TRAPPC8: variants seen among roughly 807,000 people sequenced by gnomAD.
TRAPPC8 encodes general sporulation gene 1 homolog.
In TRAPPC8, 54 loss-of-function variants were observed where a neutral mutation model predicts 174.3. That is an observed-to-expected ratio of 0.31 (90% CI 0.25 to 0.39). The LOEUF is 0.39. Among genes scored for constraint, TRAPPC8 ranks in the 10% least tolerant of loss-of-function variants. The pLI is 1.00. For synonymous variants in TRAPPC8, 630 were observed against 579.9 expected, an observed-to-expected ratio of 1.09 and a Z score of -1.24; for missense variants, 1,531 against 1,699.1, an observed-to-expected ratio of 0.90 and a Z score of 1.74.
At chr18:31,852,423 C>A in intron 24 of TRAPPC8, 23 bp downstream of exon 24, 1 of 1,612,386 alleles carries the variant, frequency 6.2e-7, no homozygotes. Flanking sequence ...TAACATCAAA[C>A]ACTACTATGC....
chr18:31,857,863 T>C lies in TRAPPC8; in HGVS notation c.2865A>G (p.Pro955=), dbSNP rs1256388527. The change falls in exon 20 of 29, where the codon CCA becomes CCG. Residue 955 remains proline (P), a synonymous_variant. Transcript: ENST00000283351. ...TATTACCACCGAAAGTAAAGAACTC[T>C]GGACGTTTAGAAACAACCTTCAATC... ...LTGLKVVSKR[P]EFFTFGGNTA... 1.2e-6 allele frequency: 2 copies of C among 1,614,214 alleles called. No individual in the cohort carries two copies. Among genetic ancestry groups the C allele is most frequent in the Admixed American group, 1.7e-5 (1 of 60,016 alleles).
chr18:31,867,346 T>C (rs1297552014), intron 17 of TRAPPC8, 56 bp downstream of exon 17: 8 of 1,192,584 alleles, frequency 6.7e-6, no homozygotes, highest in Non-Finnish European at 8.5e-6. Context: ...ATTTAAAAAT[T>C]TGTTTTCACC....
intron 8 of TRAPPC8, 123 bp from the exon 9 acceptor site, chr18:31,907,733 A>T: frequency 3.9e-6 from 3 of 776,048 alleles, no homozygotes; most frequent in Non-Finnish European, 5.5e-6. Flanking sequence ...GTTTCAAAGA[A>T]ATTCTACCTC....
At chr18:31,888,571 G>A (rs1457589634) in intron 12 of TRAPPC8, among the ~76,000 whole-genome samples, 2 of 152,172 alleles carry the variant, frequency 1.3e-5, no homozygotes, top group Non-Finnish European at 2.9e-5. Context: ...TACACACAAT[G>A]GAATACTATG....
At chr18:31,933,251 A>T (rs113035869) in intron 1 of TRAPPC8, among the ~76,000 whole-genome samples, 9,542 of 148,062 alleles carry the variant, frequency 0.064, 331 homozygotes, top group Middle Eastern at 0.11. Context: ...CAGTGAGCTG[A>T]GATCGTGCCA....
chr18:31,852,396 A>G lies in TRAPPC8; in HGVS notation c.3561+50T>C, dbSNP rs376629268. 3.1e-6 allele frequency: 5 copies of G among 1,587,820 alleles called. No individual in the cohort carries two copies. In the African/African-American group the frequency reaches 6.8e-5, roughly 22 times the overall value. Reference sequence around the variant, plus strand: ...TAAGCCTTGCCAAAAATACCCAGATATGCTATAACTATGACTTAACATCAA... The same window carrying G: ...TAAGCCTTGCCAAAAATACCCAGATGTGCTATAACTATGACTTAACATCAA... On this transcript the variant is annotated intron_variant, in intron 24 of 28. Transcript: ENST00000283351.
intron 12 of TRAPPC8, among the ~76,000 whole-genome samples, chr18:31,880,090 A>AAAAATAT (rs1259899654): frequency 1.4e-3 from 117 of 85,310 alleles, no homozygotes; most frequent in African/African-American, 3.2e-3. Context: ...TGAAAAAAAA[A>AAAAATAT]ATATATATAT....
At chr18:31,858,121 A>ACATAT in intron 19 of TRAPPC8, 139 bp from the exon 20 acceptor site, 1 of 685,436 alleles carries the variant, frequency 1.5e-6, no homozygotes, top group Non-Finnish European at 2.4e-6. Context: ...CTCCCTGAAT[A>ACATAT]TGTGGCAGTT....
chr18:31,895,833 ATATT>A lies in TRAPPC8; in HGVS notation c.1596+1949_1596+1952del, dbSNP rs1430921842. On this transcript the variant is annotated intron_variant, in intron 11 of 28. Transcript: ENST00000283351. Reference sequence around the variant, plus strand: ...CAAATAGTTTGTCTGTTATCTGTTCATATTTATTAGTCAGTGTCCATGCAATAAC... The same window carrying A: ...CAAATAGTTTGTCTGTTATCTGTTCATATTAGTCAGTGTCCATGCAATAAC... 7.9e-5 allele frequency: 12 copies of A among 152,238 alleles called. 1 individual carries two copies. In the East Asian group the frequency reaches 2.1e-3, roughly 27 times the overall value. 9.4% of individuals were successfully genotyped at this position (152,238 alleles called of 1,614,324 possible). A position where few individuals can be genotyped will look rare whatever the true frequency, so the allele number is the denominator to read the frequency against.
chr18:31,905,998 A>G (rs2036640029), intron 9 of TRAPPC8, among the ~76,000 whole-genome samples: 1 of 152,158 alleles, frequency 6.6e-6, no homozygotes, highest in Non-Finnish European at 1.5e-5. Flanking sequence ...ATCAGAGAAT[A>G]TTTAGCCAAG....
chr18:31,884,226 A>C (rs2035594288), intron 12 of TRAPPC8, among the ~76,000 whole-genome samples: 1 of 152,210 alleles, frequency 6.6e-6, no homozygotes. Flanking sequence ...TTTCCAGAGC[A>C]TTAGCATATG....
intron 25 of TRAPPC8, among the ~76,000 whole-genome samples, chr18:31,848,915 T>C (rs1483527857): frequency 2.6e-5 from 4 of 152,204 alleles, no homozygotes; most frequent in Non-Finnish European, 4.4e-5. Flanking sequence ...CTCATTCTGG[T>C]CTGCCATGTG....
intron 11 of TRAPPC8, among the ~76,000 whole-genome samples, chr18:31,893,511 A>T (rs552471272): frequency 8.3e-4 from 127 of 152,308 alleles, no homozygotes; most frequent in African/African-American, 3.0e-3. Flanking sequence ...ATTCCAACCC[A>T]AACAGCTGGT....
intron 2 of TRAPPC8, 24 bp downstream of exon 2, chr18:31,931,305 A>G: frequency 6.8e-7 from 1 of 1,477,002 alleles, no homozygotes; most frequent in South Asian, 1.5e-5. Context: ...CACTCAAAAA[A>G]TAACAATAAA....
intron 19 of TRAPPC8, among the ~76,000 whole-genome samples, chr18:31,859,341 A>G (rs943519527): frequency 3.3e-5 from 5 of 152,210 alleles, no homozygotes; most frequent in Non-Finnish European, 7.3e-5. Flanking sequence ...CTTTAAAAAT[A>G]AATGAGAAAA....
chr18:31,918,700 C>T (rs987871731), intron 2 of TRAPPC8, among the ~76,000 whole-genome samples: 5 of 152,166 alleles, frequency 3.3e-5, no homozygotes, highest in African/African-American at 9.7e-5. Context: ...TTTCGAAGTA[C>T]ATTTACCTTA....
chr18:31,861,072 T>G (rs1363372526), intron 19 of TRAPPC8, among the ~76,000 whole-genome samples: 1 of 152,174 alleles, frequency 6.6e-6, no homozygotes, highest in Non-Finnish European at 1.5e-5. Flanking sequence ...AAGATGAAAC[T>G]CCTATCAGGA....
chr18:31,884,274 G>T (rs1030970949), intron 12 of TRAPPC8, among the ~76,000 whole-genome samples: 4 of 152,172 alleles, frequency 2.6e-5, no homozygotes, highest in Admixed American at 2.0e-4. Flanking sequence ...TTATTATCTT[G>T]TAACTAGAAG....
chr18:31,921,020 T>C (rs894560593), intron 2 of TRAPPC8, among the ~76,000 whole-genome samples: 1 of 150,940 alleles, frequency 6.6e-6, no homozygotes, highest in African/African-American at 2.4e-5. Context: ...TCTTGAGGTG[T>C]AGTTAAATAA....
Sources: gnomAD v4.1 joint callset for allele counts (sites outside exome capture counted in the v4.1 genomes callset) on GRCh38, gnomAD v4.1.1 for gene constraint, MANE v1.5 for transcripts, NCBI Gene and HGNC (gene_info 2026-07-23, HGNC 2026-07-21) for gene names.